The following PLCB4 variants were observed in gnomAD, a reference collection of about 807,000 sequenced individuals.
PLCB4 encodes 1-phosphatidylinositol 4,5-bisphosphate phosphodiesterase beta-4.
Under a neutral mutation model 178.8 loss-of-function variants are expected in PLCB4, and 77 were observed. The observed-to-expected ratio is 0.43, with a 90% CI of 0.36 to 0.52. The LOEUF (loss-of-function observed/expected upper bound fraction) is 0.52, where lower values mean the gene tolerates loss of function less well. Among genes scored for constraint, PLCB4 ranks in the 20% least tolerant of loss-of-function variants. The pLI, the probability that PLCB4 is intolerant of heterozygous loss-of-function variation, is 0.00. For synonymous variants in PLCB4, 496 were observed against 490.8 expected (o/e 1.01, Z -0.14); for missense variants, 1,024 against 1,453.4 (o/e 0.70, Z 4.80).
At chr20:9,106,248 T>C (rs755579311) in intron 2 of PLCB4, among the ~76,000 whole-genome samples, 2 of 151,446 alleles carry the variant, frequency 1.3e-5, no homozygotes, top group Non-Finnish European at 3.0e-5. Flanking sequence ...TATTATTAGG[T>C]TGGTACAAAA....
At chr20:9,085,169 G>C (rs2090349375) in intron 1 of PLCB4, among the ~76,000 whole-genome samples, 1 of 151,986 alleles carries the variant, frequency 6.6e-6, no homozygotes, top group Non-Finnish European at 1.5e-5. Flanking sequence ...ATTTGATTAA[G>C]TGTGATATAT....
chr20:9,292,546 G>A (rs1601648565), intron 3 of PLCB4, among the ~76,000 whole-genome samples: 1 of 152,196 alleles, frequency 6.6e-6, no homozygotes, highest in Admixed American at 6.5e-5. Flanking sequence ...TGATCAGAGA[G>A]GGTCTAAGGA....
At position 9,480,740 on chromosome 20, in the gene PLCB4, A is replaced by G. The variant is rs147197006; in HGVS notation, c.*1731A>G. 1 of 152,174 alleles carries G rather than the reference A, an allele frequency of 6.6e-6. No homozygotes were observed. The highest frequency in any genetic ancestry group is 1.5e-5 in the Non-Finnish European group (1 of 68,036). The allele number at this position is 152,174 out of a possible 1,614,324, so 9.4% of individuals were successfully genotyped here. On this transcript the variant is annotated 3_prime_UTR_variant, in exon 40 of 40. Coordinates refer to ENST00000378473, the MANE Select transcript of PLCB4 (RefSeq NM_001377142.1). ...CTGTAAAACAGTGGAGTTAGACTAC[A>G]TATCTTTTGGCACTAACATCTCATG...
Position 9,395,612 on chromosome 20 carries a change from G to A in PLCB4, c.1504G>A (p.Glu502Lys). 3 of 1,600,102 alleles carry A rather than the reference G, an allele frequency of 1.9e-6. No homozygotes were observed. Among genetic ancestry groups the A allele is most frequent in the Non-Finnish European group, 1.7e-6 (2 of 1,167,884 alleles). Residue 502 changes from glutamate to lysine, a missense_variant, in exon 19 of 40, where the codon GAA (glutamate) becomes AAA (lysine). This residue lies in a region of PLCB4 where 263 missense variants were observed against 417.4 expected (regional missense o/e 0.63). Transcript: ENST00000378473. ...ILEDDNEEEIESADQEEEAHP... is the reference protein window; with the variant it reads ...ILEDDNEEEIKSADQEEEAHP... ...AGAGGACGATAATGAAGAGGAGATC[G>A]AAAGTGGTGAGCTGTTTGCTTTTAT...
At chr20:9,392,263 T>G (rs2038210415) in intron 17 of PLCB4, among the ~76,000 whole-genome samples, 1 of 152,104 alleles carries the variant, frequency 6.6e-6, no homozygotes, top group Non-Finnish European at 1.5e-5. Context: ...AAGCAGAGAT[T>G]TATTGAAAAT....
chr20:9,459,089 A>G (rs1289619692), intron 34 of PLCB4, among the ~76,000 whole-genome samples: 6 of 152,232 alleles, frequency 3.9e-5, no homozygotes, highest in African/African-American at 1.2e-4. Context: ...CACGCCTGTA[A>G]TCCCGGCACT....
intron 32 of PLCB4, among the ~76,000 whole-genome samples, chr20:9,445,414 A>G (rs895205356): frequency 1.3e-5 from 2 of 152,212 alleles, no homozygotes; most frequent in African/African-American, 4.8e-5. Flanking sequence ...ACTTGGCTTG[A>G]GTGATGTACC....
At chr20:9,451,028 G>A (rs981587291) in intron 32 of PLCB4, among the ~76,000 whole-genome samples, 3 of 152,152 alleles carry the variant, frequency 2.0e-5, no homozygotes, top group African/African-American at 4.8e-5. Flanking sequence ...TTAATTATTG[G>A]CTGAGCTGGG....
intron 3 of PLCB4, among the ~76,000 whole-genome samples, chr20:9,228,940 G>A (rs78258006): frequency 0.074 from 11,243 of 152,098 alleles, 902 homozygotes; most frequent in African/African-American, 0.2. Flanking sequence ...GGCCTGACTC[G>A]GGCCAGCCAG....
At chr20:9,179,126 T>C (rs2093203533) in intron 2 of PLCB4, among the ~76,000 whole-genome samples, 1 of 152,172 alleles carries the variant, frequency 6.6e-6, no homozygotes, top group Admixed American at 6.5e-5. Flanking sequence ...ACCACAATTA[T>C]GGGTAATGGG....
chr20:9,404,542 T>C (rs1310781772), intron 20 of PLCB4, among the ~76,000 whole-genome samples: 2 of 150,562 alleles, frequency 1.3e-5, no homozygotes, highest in Non-Finnish European at 3.0e-5. Flanking sequence ...AAGGCGGAGG[T>C]TGCAGTGAGC....
chr20:9,459,877 TAA>T lies in PLCB4; in HGVS notation c.3248+68_3248+69del. On this transcript the variant is annotated intron_variant, in intron 35 of 39. Transcript: ENST00000378473. ...AAAACAAAAGCTGATTTTGTGTGTA[TAA>T]GAGAGCCAAGGTAATAAGTGAAATC... 3.8e-6 allele frequency: 4 copies of T among 1,059,504 alleles called. No individual in the cohort carries two copies. In the South Asian group the frequency reaches 5.9e-5, roughly 16 times the overall value. The allele number at this position is 1,059,504 out of a possible 1,614,324, so 65.6% of individuals were successfully genotyped here. A position where few individuals can be genotyped will look rare whatever the true frequency, so the allele number is the denominator to read the frequency against.
intron 4 of PLCB4, among the ~76,000 whole-genome samples, chr20:9,324,311 A>T (rs1385568846): frequency 6.6e-6 from 1 of 152,158 alleles, no homozygotes; most frequent in Non-Finnish European, 1.5e-5. Context: ...CTGTAGTCCC[A>T]GGTACTTGGG....
chr20:9,416,808 T>C (rs1036883209), intron 25 of PLCB4, among the ~76,000 whole-genome samples: 6 of 152,218 alleles, frequency 3.9e-5, no homozygotes, highest in African/African-American at 1.4e-4. Flanking sequence ...GTCTATATTC[T>C]TGATAAAAAA....
chr20:9,357,181 G>A (rs1568644582), intron 7 of PLCB4, among the ~76,000 whole-genome samples: 2 of 152,244 alleles, frequency 1.3e-5, no homozygotes, highest in East Asian at 3.9e-4. Flanking sequence ...GTGAGTTGTC[G>A]ATACCAAGAA....
intron 4 of PLCB4, among the ~76,000 whole-genome samples, chr20:9,326,119 A>G (rs182770694): frequency 1.1e-4 from 16 of 152,290 alleles, no homozygotes; most frequent in Admixed American, 1.0e-3. Flanking sequence ...CACATTTGGG[A>G]TTAGGATTTC....
chr20:9,449,682 A>G (rs368885977), intron 32 of PLCB4, among the ~76,000 whole-genome samples: 3 of 152,350 alleles, frequency 2.0e-5, no homozygotes, highest in East Asian at 3.9e-4. Context: ...CAGTATCAAC[A>G]TTAAATGAGT....
At chr20:9,464,682 A>G (rs907612302) in intron 35 of PLCB4, among the ~76,000 whole-genome samples, 1 of 152,230 alleles carries the variant, frequency 6.6e-6, no homozygotes, top group African/African-American at 2.4e-5. Context: ...GAAAATCTAG[A>G]AGAAATGGAT....
At chr20:9,210,117 G>T (rs930969409) in intron 2 of PLCB4, among the ~76,000 whole-genome samples, 4 of 152,042 alleles carry the variant, frequency 2.6e-5, no homozygotes, top group African/African-American at 9.7e-5. Context: ...ACTAATACAC[G>T]AAGGAAACCA....
Sources: allele counts gnomAD v4.1 joint callset (sites outside exome capture counted in the v4.1 genomes callset), GRCh38; gene constraint gnomAD v4.1.1; regional missense constraint gnomAD v4.1.1; transcripts MANE v1.5; gene names NCBI Gene and HGNC (gene_info 2026-07-23, HGNC 2026-07-21).